The following BMPER variants were observed in gnomAD, a reference collection of about 807,000 sequenced individuals.
BMPER encodes BMP binding endothelial regulator, also known as BMP-binding endothelial regulator protein.
BMPER carries 45 observed loss-of-function variants against 87.3 expected under a neutral mutation model. That is an observed-to-expected ratio of 0.52 (90% confidence interval 0.41 to 0.66). The LOEUF is 0.66. Among genes scored for constraint, BMPER ranks in the 30% least tolerant of loss-of-function variants. The probability of loss-of-function intolerance (pLI) is 0.00; values close to 1 mark genes in which losing one functional copy is unlikely to be tolerated. For synonymous variants in BMPER, 326 were observed against 316.2 expected, an observed-to-expected ratio of 1.03 and a Z score of -0.33; for missense variants, 784 against 867.5, an observed-to-expected ratio of 0.90 and a Z score of 1.21.
At chr7:33,979,895 C>T (rs1785805376) in intron 6 of BMPER, among the ~76,000 whole-genome samples, 1 of 152,218 alleles carries the variant, frequency 6.6e-6, no homozygotes, top group African/African-American at 2.4e-5. Context: ...GACAGAGAGG[C>T]AGACCATCAG....
At chr7:33,952,006 G>A (rs1785039373) in intron 3 of BMPER, among the ~76,000 whole-genome samples, 1 of 152,118 alleles carries the variant, frequency 6.6e-6, no homozygotes, top group African/African-American at 2.4e-5. Flanking sequence ...AACCACCACA[G>A]CTTAAGTGTA....
At chr7:33,936,464 A>G (rs147894070) in intron 2 of BMPER, among the ~76,000 whole-genome samples, 1 of 152,336 alleles carries the variant, frequency 6.6e-6, no homozygotes, top group African/African-American at 2.4e-5. Context: ...GATACTGACC[A>G]CACAGAATTT....
At chr7:33,979,600 A>C (rs748333774) in intron 6 of BMPER, among the ~76,000 whole-genome samples, 1 of 152,070 alleles carries the variant, frequency 6.6e-6, no homozygotes, top group Non-Finnish European at 1.5e-5. Flanking sequence ...CTGCCCTTCC[A>C]AGCTGGCCAG....
chr7:34,155,797 G>A lies in BMPER; in HGVS notation c.*2524G>A, dbSNP rs1410946807. On this transcript the variant is annotated 3_prime_UTR_variant, in exon 15 of 15. Transcript: ENST00000649409. ...GAGCAGTCCTGTTTCATTCACATGG[G>A]ATGTTTTCAATTGGTTCTTCAACTA... 6.6e-6 allele frequency: 1 copy of A among 152,136 alleles called. No individual in the cohort carries two copies. The highest frequency in any genetic ancestry group is 1.5e-5 in the Non-Finnish European group (1 of 68,030). 9.4% of individuals were successfully genotyped at this position (152,136 alleles called of 1,614,324 possible).
chr7:33,909,693 A>AAAAAAAAAAAAAG (rs10655768), intron 2 of BMPER, among the ~76,000 whole-genome samples: 30 of 138,908 alleles, frequency 2.2e-4, no homozygotes, highest in Non-Finnish European at 2.6e-4. Flanking sequence ...AAAAAAAAAA[A>AAAAAAAAAAAAAG]AAAGAAAGAA....
intron 6 of BMPER, among the ~76,000 whole-genome samples, chr7:34,028,601 G>GTTTTTTTTTTTTTTTTT: frequency 1.9e-4 from 7 of 36,060 alleles, no homozygotes; most frequent in Admixed American, 5.7e-4. Flanking sequence ...CATTTTTTCT[G>GTTTTTTTTTTTTTTTTT]TTTTTTTTTT....
intron 13 of BMPER, among the ~76,000 whole-genome samples, chr7:34,093,927 G>T (rs1789460270): frequency 6.6e-6 from 1 of 152,106 alleles, no homozygotes; most frequent in South Asian, 2.1e-4. Flanking sequence ...GCATGCATGA[G>T]AATGAGGCTG....
intron 13 of BMPER, among the ~76,000 whole-genome samples, chr7:34,113,683 G>A (rs1790040706): frequency 6.6e-6 from 1 of 152,008 alleles, no homozygotes; most frequent in Non-Finnish European, 1.5e-5. Flanking sequence ...CAGGTAGCGT[G>A]CCACAGGCTT....
At chr7:34,140,210 T>A (rs1170990981) in intron 13 of BMPER, among the ~76,000 whole-genome samples, 1 of 152,222 alleles carries the variant, frequency 6.6e-6, no homozygotes, top group Non-Finnish European at 1.5e-5. Flanking sequence ...CCCATTGCCA[T>A]GTGGACTGGA....
At chr7:34,018,491 T>C (rs559773655) in intron 6 of BMPER, among the ~76,000 whole-genome samples, 3 of 151,962 alleles carry the variant, frequency 2.0e-5, no homozygotes, top group Non-Finnish European at 4.4e-5. Context: ...ATGAATCTTA[T>C]CGTCACCTTC....
intron 6 of BMPER, among the ~76,000 whole-genome samples, chr7:34,043,415 T>C (rs1307819270): frequency 6.6e-6 from 1 of 152,172 alleles, no homozygotes; most frequent in East Asian, 1.9e-4. Flanking sequence ...AAGTGTTTTG[T>C]ATTATTTCCA....
chr7:34,087,494 G>C (rs1585819176), intron 13 of BMPER, among the ~76,000 whole-genome samples: 1 of 152,290 alleles, frequency 6.6e-6, no homozygotes, highest in East Asian at 1.9e-4. Flanking sequence ...AATGACCTAA[G>C]CTCTCTAAAC....
rs531636492 is a variant in BMPER at position 33,965,013 on chromosome 7, C to T, written c.320-1466C>T. ...ATGCACATGGCACGTCTCTTGTAAG[C>T]GCGTTTGTTCAGTAAGATTTATGCT... On this transcript the variant is annotated intron_variant, in intron 3 of 14. Transcript: ENST00000649409. Among the ~76,000 whole-genome samples the T allele has an allele frequency of 7.2e-5, 11 of 152,140 alleles. No homozygotes were observed. The East Asian group carries it at 1.7e-3, about 24-fold the overall frequency.
intron 12 of BMPER, 65 bp from the exon 13 acceptor site, chr7:34,085,685 GATGTAT>G: frequency 7.4e-7 from 1 of 1,359,318 alleles, no homozygotes; most frequent in South Asian, 1.2e-5. Context: ...TCTGTGTAAG[GATGTAT>G]ACATTTGGGA....
intron 11 of BMPER, among the ~76,000 whole-genome samples, chr7:34,074,933 C>A (rs954944681): frequency 6.6e-6 from 1 of 152,054 alleles, no homozygotes; most frequent in Non-Finnish European, 1.5e-5. Context: ...GATGCTTTTT[C>A]CCCCTTCCTT....
intron 6 of BMPER, among the ~76,000 whole-genome samples, chr7:33,983,515 A>T (rs112684873): frequency 0.031 from 4,706 of 152,296 alleles, 100 homozygotes; most frequent in Non-Finnish European, 0.047. Context: ...AGGTACATAT[A>T]GTATATAATG....
At chr7:34,097,825 G>A (rs1444578860) in intron 13 of BMPER, among the ~76,000 whole-genome samples, 1 of 152,022 alleles carries the variant, frequency 6.6e-6, no homozygotes. Flanking sequence ...GAATGAACAG[G>A]GCTTAGGTTT....
At chr7:33,965,816 T>G (rs75396075) in intron 3 of BMPER, among the ~76,000 whole-genome samples, 17,638 of 152,178 alleles carry the variant, frequency 0.12, 1,589 homozygotes, top group East Asian at 0.23. Context: ...CTTTTGAAGA[T>G]CTCTGGCCTT....
At chr7:34,134,369 C>T (rs557715506) in intron 13 of BMPER, among the ~76,000 whole-genome samples, 3 of 152,260 alleles carry the variant, frequency 2.0e-5, no homozygotes, top group African/African-American at 7.2e-5. Context: ...CAGTAACTCT[C>T]GGCCACTAGA....
Sources: gnomAD v4.1 joint callset for allele counts (sites outside exome capture counted in the v4.1 genomes callset) on GRCh38, gnomAD v4.1.1 for gene constraint, MANE v1.5 for transcripts, NCBI Gene and HGNC (gene_info 2026-07-23, HGNC 2026-07-21) for gene names.